Variants in OTC observed in about 807,000 individuals in gnomAD.
The protein encoded by OTC is ornithine transcarbamylase.
In OTC, 3 loss-of-function variants were observed where a neutral mutation model predicts 30.3. The observed-to-expected ratio is 0.10, with a 90% confidence interval of 0.05 to 0.26. The LOEUF is 0.26. OTC is among the 10% of genes least tolerant of loss of function. The pLI is 1.00. For synonymous variants in OTC, 111 were observed against 99.7 expected, an observed-to-expected ratio of 1.11 and a Z score of -0.67; for missense variants, 194 against 260.3, an observed-to-expected ratio of 0.75 and a Z score of 1.75.
Position 38,421,112 on chromosome X carries a change from T to C in OTC, c.*30T>C. 1 of 1,032,410 alleles carries C rather than the reference T, an allele frequency of 9.7e-7. No individual in the cohort carries two copies. Among genetic ancestry groups the C allele is most frequent in the South Asian group, 1.9e-5 (1 of 53,209 alleles). The allele number at this position is 1,032,410 out of a possible 1,213,427, so 85.1% of individuals were successfully genotyped here. A position where few individuals can be genotyped will look rare whatever the true frequency, so the allele number is the denominator to read the frequency against. ...GTGTTACTTGTCAAGAAAGAAGCAA[T>C]GTTCTTCAGTAACAGAATGAGTTGG... On this transcript the variant is annotated 3_prime_UTR_variant, in exon 10 of 10. Transcript: ENST00000039007.
At chrX:38,334,801 G>A in the OTC span, among the ~76,000 whole-genome samples, 2 of 111,406 alleles carry the variant, frequency 1.8e-5, no homozygotes, top group Non-Finnish European at 3.8e-5. Flanking sequence ...GACCTCTACC[G>A]GTCTGGTCCA....
intron 3 of OTC, among the ~76,000 whole-genome samples, chrX:38,375,697 C>A (rs1301090031): frequency 3.6e-5 from 4 of 111,273 alleles, no homozygotes; most frequent in Non-Finnish European, 5.7e-5. Flanking sequence ...TTTGAAGTGT[C>A]TATTAGACAT....
chrX:38,362,448 A>G (rs1004830999), intron 1 of OTC, among the ~76,000 whole-genome samples: 1 of 111,972 alleles, frequency 8.9e-6, no homozygotes, highest in African/African-American at 3.2e-5. Flanking sequence ...GTCTAGAGTC[A>G]GAAAGGGAGA....
chrX:38,370,746 T>C (rs1225536570), intron 3 of OTC, among the ~76,000 whole-genome samples: 1 of 111,143 alleles, frequency 9.0e-6, no homozygotes, highest in Non-Finnish European at 1.9e-5. Flanking sequence ...TTTTCCTTTT[T>C]TTTCTTTTCA....
intron 9 of OTC, among the ~76,000 whole-genome samples, chrX:38,414,458 T>C (rs755425382): frequency 8.1e-5 from 9 of 111,567 alleles, no homozygotes; most frequent in African/African-American, 2.9e-4. Flanking sequence ...GAAAATATTT[T>C]AAAGAAACCA....
chrX:38,401,279 T>C lies in OTC; in HGVS notation c.391T>C (p.Leu131=), dbSNP rs1180311883. ...NESLTDTARV[L]SSMADAVLAR... Reference sequence around the variant, plus strand: ...CTTTTTCTTGGTTTGCCACAGTGTATTGTCTAGCATGGCAGATGCAGTATT... The same window carrying C: ...CTTTTTCTTGGTTTGCCACAGTGTACTGTCTAGCATGGCAGATGCAGTATT... Residue 131 remains leucine, a synonymous_variant, in exon 5 of 10, where the codon TTG becomes CTG. Coordinates refer to ENST00000039007, the MANE Select transcript of OTC (RefSeq NM_000531.6). The C allele has an allele frequency of 8.3e-7, 1 of 1,202,077 alleles. No individual in the cohort carries two copies. The highest frequency in any genetic ancestry group is 1.1e-6 in the Non-Finnish European group (1 of 886,830).
chrX:38,371,318 G>A (rs1288569842), intron 3 of OTC, among the ~76,000 whole-genome samples: 1 of 110,780 alleles, frequency 9.0e-6, no homozygotes, highest in African/African-American at 3.3e-5. Flanking sequence ...GTTTCAAAAT[G>A]GACACTTTGA....
intron 9 of OTC, among the ~76,000 whole-genome samples, chrX:38,417,568 C>A (rs997478415): frequency 1.8e-5 from 2 of 111,704 alleles, no homozygotes; most frequent in African/African-American, 3.3e-5. Context: ...CTCTTACCAT[C>A]TCATACAGTA....
At chrX:38,408,198 C>T (rs2068524789) in intron 6 of OTC, among the ~76,000 whole-genome samples, 1 of 112,010 alleles carries the variant, frequency 8.9e-6, no homozygotes, top group South Asian at 3.7e-4. Flanking sequence ...GCACCCTGCC[C>T]TCAAAAGGCT....
intron 4 of OTC, 121 bp from the exon 5 acceptor site, chrX:38,401,154 G>C (rs1250685443): frequency 3.5e-6 from 2 of 565,974 alleles, no homozygotes; most frequent in African/African-American, 2.3e-5. Context: ...AATGTTGGTA[G>C]GTTTTCATGT....
intron 1 of OTC, among the ~76,000 whole-genome samples, chrX:38,364,617 C>T (rs2068286238): frequency 9.1e-6 from 1 of 110,180 alleles, no homozygotes; most frequent in Non-Finnish European, 1.9e-5. Flanking sequence ...CATGATGAAA[C>T]CCCGTCTCTA....
chrX:38,330,365 A>G, the OTC span, among the ~76,000 whole-genome samples: 2 of 112,198 alleles, frequency 1.8e-5, no homozygotes, highest in South Asian at 3.7e-4. Flanking sequence ...ACGATAATAA[A>G]TGGGTATTGT....
the OTC span, among the ~76,000 whole-genome samples, chrX:38,340,192 T>A: frequency 7.6e-3 from 851 of 111,362 alleles, 3 homozygotes; most frequent in African/African-American, 0.026. Context: ...CGAGAATATG[T>A]TCAGACCCTC....
chrX:38,344,933 C>T, the OTC span, among the ~76,000 whole-genome samples: 1 of 110,538 alleles, frequency 9.0e-6, no homozygotes, highest in South Asian at 3.8e-4. Context: ...GTCAGGCAAG[C>T]TCAGTGGCTC....
intron 8 of OTC, among the ~76,000 whole-genome samples, chrX:38,409,954 G>T (rs769997123): frequency 9.0e-6 from 1 of 110,768 alleles, no homozygotes; most frequent in Non-Finnish European, 1.9e-5. Flanking sequence ...GTGTCTCTTT[G>T]CAGACCTTTT....
intron 6 of OTC, among the ~76,000 whole-genome samples, chrX:38,406,504 A>G (rs1191655076): frequency 2.7e-5 from 3 of 111,770 alleles, no homozygotes; most frequent in Non-Finnish European, 5.6e-5. Flanking sequence ...AGATGTGAGT[A>G]AAGAATTCCT....
the OTC span, among the ~76,000 whole-genome samples, chrX:38,332,532 A>ATATATATATATATATATATATC: frequency 1.1e-5 from 1 of 90,356 alleles, no homozygotes; most frequent in African/African-American, 4.0e-5. Context: ...ATATATATAT[A>ATATATATATATATATATATATC]TCATATAACA....
At position 38,352,780 on chromosome X, in the gene OTC, G is replaced by A. The variant is rs745462108; in HGVS notation, c.77+7G>A. ...TCATGGTTCGAAATTTTCGGTAAGT[G>A]ATGGTCAGAGACTTGGGTTTGATTT... is the stretch of plus-strand genomic sequence containing the variant. On this transcript the variant is annotated splice_region_variant and intron_variant, in intron 1 of 9. Coordinates refer to ENST00000039007, the MANE Select transcript of OTC (RefSeq NM_000531.6). The A allele has an allele frequency of 8.6e-7, 1 of 1,167,534 alleles. No individual in the cohort carries two copies. The highest frequency in any genetic ancestry group is 2.2e-5 in the Admixed American group (1 of 46,000).
chrX:38,368,326 G>T (rs2068307379), intron 2 of OTC, among the ~76,000 whole-genome samples: 1 of 111,474 alleles, frequency 9.0e-6, no homozygotes, highest in African/African-American at 3.3e-5. Flanking sequence ...TGCCATTGCT[G>T]TCCAGCCTGG....
Sources: allele counts gnomAD v4.1 joint callset (sites outside exome capture counted in the v4.1 genomes callset), GRCh38; gene constraint gnomAD v4.1.1; transcripts MANE v1.5; gene names NCBI Gene and HGNC (gene_info 2026-07-23, HGNC 2026-07-21).